SPTBN1: variants seen among roughly 807,000 people sequenced by gnomAD.
SPTBN1 encodes spectrin beta chain, non-erythrocytic 1.
A neutral mutation model predicts 266.4 loss-of-function variants in SPTBN1; 32 were observed. That is an observed-to-expected ratio of 0.12 (90% CI 0.09 to 0.16). The LOEUF is 0.16. SPTBN1 is among the 10% of genes least tolerant of loss of function. The pLI is 1.00. For missense variants in SPTBN1, 2,296 were observed against 3,067.1 expected, an observed-to-expected ratio of 0.75 and a Z score of 5.94; for synonymous variants, 1,336 against 1,162.2, an observed-to-expected ratio of 1.15 and a Z score of -3.04.
intron 2 of SPTBN1, among the ~76,000 whole-genome samples, chr2:54,564,001 C>T (rs975180898): frequency 5.9e-5 from 9 of 152,124 alleles, no homozygotes; most frequent in African/African-American, 2.2e-4. Context: ...TGATGCTCTT[C>T]CCGTAGTACC....
chr2:54,479,726 A>T (rs567042953), intron 1 of SPTBN1, among the ~76,000 whole-genome samples: 7 of 152,222 alleles, frequency 4.6e-5, no homozygotes, highest in African/African-American at 1.7e-4. Context: ...AAGTTTTGCA[A>T]TGTTGTTTGG....
intron 2 of SPTBN1, among the ~76,000 whole-genome samples, chr2:54,553,530 G>C (rs1369466813): frequency 1.3e-5 from 2 of 151,792 alleles, no homozygotes; most frequent in South Asian, 4.1e-4. Flanking sequence ...ATGCTTAGGA[G>C]AAATTGGCTG....
intron 1 of SPTBN1, among the ~76,000 whole-genome samples, chr2:54,491,996 T>C (rs1163004862): frequency 6.6e-6 from 1 of 152,198 alleles, no homozygotes; most frequent in East Asian, 1.9e-4. Context: ...TTTTGTTCTT[T>C]AGATGTTTCC....
intron 2 of SPTBN1, among the ~76,000 whole-genome samples, chr2:54,589,537 C>T (rs1256647941): frequency 6.6e-6 from 1 of 152,192 alleles, no homozygotes; most frequent in African/African-American, 2.4e-5. Context: ...CAGACAATTG[C>T]ATATTTGCTT....
intron 1 of SPTBN1, among the ~76,000 whole-genome samples, chr2:54,497,929 A>G (rs1290835641): frequency 6.6e-6 from 1 of 152,158 alleles, no homozygotes; most frequent in Non-Finnish European, 1.5e-5. Flanking sequence ...CCATCTCTAC[A>G]AACATCCTGC....
intron 10 of SPTBN1, among the ~76,000 whole-genome samples, chr2:54,624,075 AAG>A (rs1199378392): frequency 5.3e-5 from 8 of 152,346 alleles, no homozygotes; most frequent in Middle Eastern, 6.8e-3. Context: ...TCCAACTAGA[AAG>A]AAATTTGAAA....
chr2:54,601,361 G>T (rs1170548821), intron 3 of SPTBN1, among the ~76,000 whole-genome samples: 4 of 152,078 alleles, frequency 2.6e-5, no homozygotes, highest in Admixed American at 2.6e-4. Flanking sequence ...AGTCTCTTTG[G>T]CCTCGTAGTC....
chr2:54,607,912 C>T (rs1676956119), intron 3 of SPTBN1, among the ~76,000 whole-genome samples: 2 of 152,186 alleles, frequency 1.3e-5, no homozygotes, highest in Non-Finnish European at 2.9e-5. Flanking sequence ...TAATCTGAGA[C>T]TGGACAGACT....
chr2:54,633,902 T>C (rs1473737631), intron 17 of SPTBN1, among the ~76,000 whole-genome samples: 1 of 152,174 alleles, frequency 6.6e-6, no homozygotes, highest in Non-Finnish European at 1.5e-5. Flanking sequence ...CTGAACTATA[T>C]GTTCTAGGGT....
chr2:54,665,346 C>G (rs963646105), intron 33 of SPTBN1, among the ~76,000 whole-genome samples: 7 of 152,184 alleles, frequency 4.6e-5, no homozygotes, highest in African/African-American at 1.7e-4. Flanking sequence ...TTAATACATG[C>G]TGGTGTAATA....
At chr2:54,502,236 GCT>G (rs1669309603) in intron 1 of SPTBN1, among the ~76,000 whole-genome samples, 1 of 152,172 alleles carries the variant, frequency 6.6e-6, no homozygotes, top group Non-Finnish European at 1.5e-5. Context: ...CCTCACCCTT[GCT>G]CTCATCTGGA....
chr2:54,664,979 T>G lies in SPTBN1; in HGVS notation c.6659+288T>G. 2 of 371,716 alleles carry G rather than the reference T, an allele frequency of 5.4e-6. No individual in the cohort carries two copies. Among genetic ancestry groups the G allele is most frequent in the Non-Finnish European group, 9.9e-6 (2 of 202,502 alleles). The allele number at this position is 371,716 out of a possible 1,614,324, so 23.0% of individuals were successfully genotyped here. On this transcript the variant is annotated intron_variant, in intron 33 of 35. Coordinates refer to ENST00000356805, the MANE Select transcript of SPTBN1 (RefSeq NM_003128.3). This position sits in a 1 kb window ranked among gnomAD's most constrained non-coding sequence, Gnocchi z 5.6. ...TTGAGACTGAAGAGTCTTCTTTACT[T>G]TAAGTGATTGATTTCATTTAGGACT...
intron 2 of SPTBN1, among the ~76,000 whole-genome samples, chr2:54,594,634 AG>A (rs1295422867): frequency 3.3e-5 from 5 of 152,152 alleles, no homozygotes; most frequent in African/African-American, 4.8e-5. Flanking sequence ...TTAATAAAAA[AG>A]AAAAAAAGTC....
chr2:54,559,279 G>A (rs375554502), intron 2 of SPTBN1, among the ~76,000 whole-genome samples: 3 of 152,294 alleles, frequency 2.0e-5, no homozygotes, highest in African/African-American at 7.2e-5. Context: ...AAGGTGTAAA[G>A]TGCCGTGCTC....
chr2:54,490,321 T>A (rs1193560804), intron 1 of SPTBN1, among the ~76,000 whole-genome samples: 2 of 152,116 alleles, frequency 1.3e-5, no homozygotes, highest in Non-Finnish European at 1.5e-5. Context: ...ATCCGCTCGC[T>A]TCGACCTCCC....
chr2:54,506,307 A>T (rs970468790), intron 1 of SPTBN1, among the ~76,000 whole-genome samples: 9 of 152,178 alleles, frequency 5.9e-5, no homozygotes, highest in Non-Finnish European at 1.2e-4. Context: ...GGCACCCTTG[A>T]GCATGGCTGC....
Position 54,533,521 on chromosome 2 carries a change from A to C in SPTBN1, c.148+6955A>C, listed in dbSNP as rs1434585751. ...GAAACCTATTTACATGAGACTATAT[A>C]TGTATACAAGTGCCTGGAAGTTAGT... On this transcript the variant is annotated intron_variant, in intron 2 of 35. Coordinates refer to ENST00000356805, the MANE Select transcript of SPTBN1 (RefSeq NM_003128.3). The surrounding 1 kb of genome is among the most constrained non-coding windows in gnomAD (Gnocchi z 4.2). Among the ~76,000 whole-genome samples, 1 of 152,084 alleles carries C rather than the reference A, an allele frequency of 6.6e-6. No homozygotes were observed. The highest frequency in any genetic ancestry group is 1.5e-5 in the Non-Finnish European group (1 of 68,008).
At chr2:54,644,183 C>T (rs1408887128) in intron 19 of SPTBN1, 140 bp from the exon 20 acceptor site, 3 of 1,053,358 alleles carry the variant, frequency 2.8e-6, no homozygotes, top group South Asian at 3.3e-5. Flanking sequence ...TTTTATTGAG[C>T]AGTAACTTCA....
At chr2:54,574,717 T>G (rs1000458624) in intron 2 of SPTBN1, among the ~76,000 whole-genome samples, 1 of 152,254 alleles carries the variant, frequency 6.6e-6, no homozygotes, top group South Asian at 2.1e-4. Flanking sequence ...GCAGTCTGGT[T>G]TGGAATTGCA....
Sources: gnomAD v4.1 joint callset for allele counts (sites outside exome capture counted in the v4.1 genomes callset) on GRCh38, gnomAD v4.1.1 for gene constraint, Gnocchi (gnomAD v3.1) non-coding constraint, MANE v1.5 for transcripts, NCBI Gene and HGNC (gene_info 2026-07-23, HGNC 2026-07-21) for gene names.